TTC28: variants seen among roughly 807,000 people sequenced by gnomAD.
TTC28 encodes tetratricopeptide repeat domain 28, also known as tetratricopeptide repeat protein 28.
A neutral mutation model predicts 198.0 loss-of-function variants in TTC28; 61 were observed. The ratio of observed to expected loss-of-function variants is 0.31; its 90% CI spans 0.25 to 0.38. TTC28 has a LOEUF of 0.38. TTC28 is among the 10% of genes least tolerant of loss of function. The pLI is 1.00. For synonymous variants in TTC28, 1,171 were observed against 1,297.8 expected, an observed-to-expected ratio of 0.90 and a Z score of 2.10; for missense variants, 2,678 against 3,164.0, an observed-to-expected ratio of 0.85 and a Z score of 3.69.
intron 5 of TTC28, among the ~76,000 whole-genome samples, chr22:28,187,758 G>C (rs995828360): frequency 3.3e-5 from 5 of 152,306 alleles, no homozygotes; most frequent in Middle Eastern, 3.4e-3. Flanking sequence ...TGCTTCAGGG[G>C]TTTGGTAATA....
intron 2 of TTC28, among the ~76,000 whole-genome samples, chr22:28,604,251 C>G (rs1761658675): frequency 7.1e-6 from 1 of 141,394 alleles, no homozygotes; most frequent in East Asian, 2.0e-4. Flanking sequence ...GCACTCTAGC[C>G]TGGCTGACAG....
chr22:28,346,058 G>A (rs1015022088), intron 2 of TTC28, among the ~76,000 whole-genome samples: 13 of 152,152 alleles, frequency 8.5e-5, no homozygotes, highest in Non-Finnish European at 1.3e-4. Flanking sequence ...CCCTATCCTG[G>A]ATGCTTTTTT....
intron 11 of TTC28, among the ~76,000 whole-genome samples, chr22:28,095,119 G>A (rs750485811): frequency 6.6e-6 from 1 of 152,036 alleles, no homozygotes; most frequent in Non-Finnish European, 1.5e-5. Context: ...ACGAGTATCA[G>A]TACCACTCTG....
intron 12 of TTC28, among the ~76,000 whole-genome samples, chr22:28,079,067 T>A (rs1941253632): frequency 6.6e-6 from 1 of 152,136 alleles, no homozygotes; most frequent in African/African-American, 2.4e-5. Context: ...CAGGTCAGCA[T>A]AAGGAAAGTG....
intron 5 of TTC28, among the ~76,000 whole-genome samples, chr22:28,183,952 T>G (rs1194816054): frequency 6.6e-6 from 1 of 152,174 alleles, no homozygotes; most frequent in Non-Finnish European, 1.5e-5. Context: ...TCAATTAAAC[T>G]TTAGTAACTT....
At chr22:28,020,669 C>G (rs528177447) in intron 13 of TTC28, among the ~76,000 whole-genome samples, 1 of 152,156 alleles carries the variant, frequency 6.6e-6, no homozygotes, top group Non-Finnish European at 1.5e-5. Context: ...TGCCTGCGAG[C>G]GAGGATGAGC....
chr22:28,310,943 C>T (rs943596206), intron 2 of TTC28, among the ~76,000 whole-genome samples: 1 of 151,992 alleles, frequency 6.6e-6, no homozygotes, highest in Non-Finnish European at 1.5e-5. Flanking sequence ...CCACTCCCAG[C>T]TAACTTTTTA....
intron 3 of TTC28, among the ~76,000 whole-genome samples, chr22:28,304,677 T>C (rs544103055): frequency 6.6e-6 from 1 of 152,286 alleles, no homozygotes; most frequent in African/African-American, 2.4e-5. Flanking sequence ...TTTATCTAAA[T>C]AGATCGCTTC....
chr22:28,645,196 C>A lies in TTC28; in HGVS notation c.103-15366G>T, dbSNP rs532444023. On this transcript the variant is annotated intron_variant, in intron 1 of 22. Coordinates refer to ENST00000397906, the MANE Select transcript of TTC28 (RefSeq NM_001145418.2). ...GGGCAACAAGGGTGAAACTCCGTCT[C>A]AAAAAAAAATTGTAATAATAATAAT... Among the ~76,000 whole-genome samples the A allele has an allele frequency of 4.0e-5, 6 of 150,698 alleles. No individual in the cohort carries two copies. In the East Asian group the frequency reaches 5.9e-4, roughly 15 times the overall value.
chr22:28,211,693 C>G (rs530039877), intron 5 of TTC28, among the ~76,000 whole-genome samples: 12 of 152,164 alleles, frequency 7.9e-5, no homozygotes, highest in South Asian at 6.2e-4. Context: ...GAGACTTTAA[C>G]ACCCCACTGT....
At chr22:28,252,946 T>G (rs1013629700) in intron 5 of TTC28, among the ~76,000 whole-genome samples, 2 of 152,190 alleles carry the variant, frequency 1.3e-5, no homozygotes, top group Non-Finnish European at 2.9e-5. Flanking sequence ...TACTCCAGTA[T>G]TCACTCAACT....
intron 12 of TTC28, among the ~76,000 whole-genome samples, chr22:28,046,553 AC>A (rs1939868147): frequency 1.3e-5 from 2 of 152,228 alleles, no homozygotes; most frequent in South Asian, 2.1e-4. Context: ...GTGGTACATG[AC>A]TATTTAAAAT....
chr22:28,230,472 G>C (rs1028513834), intron 5 of TTC28, among the ~76,000 whole-genome samples: 1 of 151,918 alleles, frequency 6.6e-6, no homozygotes, highest in Non-Finnish European at 1.5e-5. Flanking sequence ...TCACATAGAG[G>C]GGAAGGGTCT....
intron 8 of TTC28, 41 bp from the exon 9 acceptor site, chr22:28,101,321 G>A: frequency 6.8e-7 from 1 of 1,478,460 alleles, no homozygotes; most frequent in South Asian, 1.2e-5. Context: ...ATAGAAGATG[G>A]ATAATTCCAC....
chr22:28,304,438 G>A (rs1601603881), intron 3 of TTC28, among the ~76,000 whole-genome samples: 1 of 152,112 alleles, frequency 6.6e-6, no homozygotes, highest in East Asian at 1.9e-4. Flanking sequence ...AAGCCCACCT[G>A]GAATAGATAC....
intron 2 of TTC28, among the ~76,000 whole-genome samples, chr22:28,565,788 T>C (rs924083151): frequency 6.6e-6 from 1 of 152,220 alleles, no homozygotes; most frequent in Non-Finnish European, 1.5e-5. Flanking sequence ...GATTTTCCCT[T>C]AATGGAAAAT....
intron 5 of TTC28, among the ~76,000 whole-genome samples, chr22:28,238,820 A>C (rs1302342735): frequency 6.6e-6 from 1 of 152,166 alleles, no homozygotes; most frequent in Non-Finnish European, 1.5e-5. Flanking sequence ...GTATTCACCC[A>C]AACAGTGAAG....
intron 5 of TTC28, among the ~76,000 whole-genome samples, chr22:28,265,393 A>G (rs1347586783): frequency 6.6e-6 from 1 of 152,192 alleles, no homozygotes; most frequent in African/African-American, 2.4e-5. Context: ...AGAAATGAGA[A>G]GAGGTAGGTA....
chr22:28,320,766 T>C (rs78178626), intron 2 of TTC28, among the ~76,000 whole-genome samples: 3 of 152,314 alleles, frequency 2.0e-5, no homozygotes, highest in Non-Finnish European at 4.4e-5. Flanking sequence ...CTAGAACATT[T>C]ATGTTTAGGG....
Sources: gnomAD v4.1 joint callset for allele counts (sites outside exome capture counted in the v4.1 genomes callset) on GRCh38, gnomAD v4.1.1 for gene constraint, MANE v1.5 for transcripts, NCBI Gene and HGNC (gene_info 2026-07-23, HGNC 2026-07-21) for gene names.